TLK1: variants seen among roughly 807,000 people sequenced by gnomAD.
TLK1 encodes serine/threonine-protein kinase tousled-like 1.
TLK1 carries 24 observed loss-of-function variants against 105.3 expected under a neutral mutation model. The observed-to-expected ratio is 0.23, with a 90% CI of 0.17 to 0.32. TLK1 has a LOEUF of 0.32. Ranked by LOEUF, TLK1 falls within the 10% of genes least tolerant of loss-of-function variation. The pLI, the probability that TLK1 is intolerant of heterozygous loss-of-function variation, is 1.00. For missense variants in TLK1, 558 were observed against 910.5 expected, an observed-to-expected ratio of 0.61 and a Z score of 4.98; for synonymous variants, 321 against 310.4, an observed-to-expected ratio of 1.03 and a Z score of -0.36.
rs995492090 is a variant in TLK1 at position 171,160,223 on chromosome 2, G to A, written c.139+67C>T. 2.2e-5 allele frequency: 28 copies of A among 1,282,512 alleles called. No homozygotes were observed. Among genetic ancestry groups the A allele is most frequent in the Admixed American group, 1.7e-4 (4 of 23,534 alleles). The allele number at this position is 1,282,512 out of a possible 1,614,324, so 79.4% of individuals were successfully genotyped here. A position where few individuals can be genotyped will look rare whatever the true frequency, so the allele number is the denominator to read the frequency against. On this transcript the variant is annotated intron_variant, in intron 1 of 20. Coordinates refer to ENST00000431350, the MANE Select transcript of TLK1 (RefSeq NM_012290.5). This position sits in a 1 kb window ranked among gnomAD's most constrained non-coding sequence, Gnocchi z 4.4. ...AGCCCCGGGGCGGGGGGGGCGGGGG[G>A]GGGGCGCGGGGGTCCGCGGCGCGGG... is the stretch of plus-strand genomic sequence containing the variant.
chr2:171,121,813 T>C (rs1472555862), intron 1 of TLK1, among the ~76,000 whole-genome samples: 2 of 152,314 alleles, frequency 1.3e-5, no homozygotes, highest in Middle Eastern at 3.4e-3. Flanking sequence ...TTCCCAGATA[T>C]ATAGCTTCCT....
At chr2:171,093,179 T>A (rs929998593) in intron 2 of TLK1, among the ~76,000 whole-genome samples, 3 of 152,084 alleles carry the variant, frequency 2.0e-5, no homozygotes, top group Non-Finnish European at 2.9e-5. Context: ...AACTAAAGAG[T>A]AGACACAGAG....
intron 12 of TLK1, among the ~76,000 whole-genome samples, chr2:171,020,057 G>A (rs1324565330): frequency 2.2e-5 from 2 of 89,980 alleles, no homozygotes; most frequent in Non-Finnish European, 5.2e-5. Context: ...GTAAGACTCC[G>A]TCTCAGAAAA....
intron 1 of TLK1, among the ~76,000 whole-genome samples, chr2:171,149,970 T>TA (rs1271556902): frequency 1.3e-5 from 2 of 152,040 alleles, no homozygotes; most frequent in African/African-American, 4.8e-5. Flanking sequence ...GACTGTATAA[T>TA]AAAAATTTTT....
At chr2:171,169,672 G>A (rs1002939044) in intron 1 of TLK1, among the ~76,000 whole-genome samples, 1 of 151,936 alleles carries the variant, frequency 6.6e-6, no homozygotes, top group African/African-American at 2.4e-5. Context: ...TTTTCCAAAC[G>A]TTTTATAGGA....
intron 8 of TLK1, 104 bp downstream of exon 8, chr2:171,053,656 TG>T: frequency 1.1e-6 from 1 of 874,808 alleles, no homozygotes; most frequent in Non-Finnish European, 1.7e-6. Context: ...CCACTGCGCC[TG>T]GCCTAGCTAC....
At position 171,066,845 on chromosome 2, in the gene TLK1, GC is replaced by G. The variant is rs1688021564; in HGVS notation, c.331-5690del. 1.9e-6 allele frequency: 3 copies of G among 1,551,220 alleles called. No homozygotes were observed. In the East Asian group the frequency reaches 7.3e-5, roughly 38 times the overall value. On this transcript the variant is annotated intron_variant, in intron 3 of 20. Coordinates refer to ENST00000431350, the MANE Select transcript of TLK1 (RefSeq NM_012290.5). ...CTTTCTCCCCTACTCAAATTACCTT[GC>G]CAGTAGTTTTCAAATCATACAAGAA... is the stretch of plus-strand genomic sequence containing the variant.
At chr2:171,178,590 G>A (rs1461844675) in intron 1 of TLK1, among the ~76,000 whole-genome samples, 2 of 152,158 alleles carry the variant, frequency 1.3e-5, no homozygotes, top group Non-Finnish European at 2.9e-5. Context: ...GTAACTCCAA[G>A]CCTGACAACC....
intron 1 of TLK1, among the ~76,000 whole-genome samples, chr2:171,196,686 G>A (rs1238409582): frequency 1.3e-5 from 2 of 152,250 alleles, no homozygotes; most frequent in East Asian, 3.9e-4. Context: ...TAAAAACTAA[G>A]CAGTTTGCAA....
chr2:171,064,449 C>T (rs995872038), intron 3 of TLK1, among the ~76,000 whole-genome samples: 1 of 152,178 alleles, frequency 6.6e-6, no homozygotes, highest in African/African-American at 2.4e-5. Context: ...CAAAGGACAT[C>T]AACCAGGCCA....
chr2:171,010,270 G>GT (rs1684848744), intron 14 of TLK1, among the ~76,000 whole-genome samples: 1 of 152,096 alleles, frequency 6.6e-6, no homozygotes, highest in African/African-American at 2.4e-5. Context: ...TGGTTTTTGT[G>GT]TTTTTTCACT....
intron 1 of TLK1, among the ~76,000 whole-genome samples, chr2:171,196,064 A>AAAGG (rs993535217): frequency 6.7e-6 from 1 of 150,186 alleles, no homozygotes; most frequent in African/African-American, 2.4e-5. Flanking sequence ...AAAGAAAGAA[A>AAAGG]AAGGAAGGAA....
At chr2:171,212,929 A>ATTT (rs1278721051) in intron 1 of TLK1, among the ~76,000 whole-genome samples, 1 of 152,098 alleles carries the variant, frequency 6.6e-6, no homozygotes, top group Non-Finnish European at 1.5e-5. Context: ...TGTATTTAAC[A>ATTT]TGAAAAAACT....
chr2:170,998,034 C>G (rs562839894), intron 18 of TLK1, among the ~76,000 whole-genome samples: 9 of 150,160 alleles, frequency 6.0e-5, no homozygotes, highest in African/African-American at 2.0e-4. Context: ...TAAAGTTCAT[C>G]TCTATCTATC....
intron 1 of TLK1, among the ~76,000 whole-genome samples, chr2:171,202,880 A>G (rs572164032): frequency 1.1e-3 from 175 of 152,284 alleles, no homozygotes; most frequent in African/African-American, 3.9e-3. Context: ...ATTGGACAAA[A>G]TATTGATCTA....
chr2:171,062,263 T>A (rs1307514077), intron 3 of TLK1, among the ~76,000 whole-genome samples: 1 of 152,186 alleles, frequency 6.6e-6, no homozygotes, highest in East Asian at 1.9e-4. Flanking sequence ...CACTAATATT[T>A]GACTGAATGA....
intron 1 of TLK1, among the ~76,000 whole-genome samples, chr2:171,143,281 G>C (rs1372653256): frequency 1.3e-5 from 2 of 151,920 alleles, no homozygotes; most frequent in Non-Finnish European, 2.9e-5. Flanking sequence ...AAGGTGGGAG[G>C]ATCACTTGAG....
At chr2:171,119,928 C>G (rs142832885) in intron 1 of TLK1, among the ~76,000 whole-genome samples, 21 of 152,192 alleles carry the variant, frequency 1.4e-4, no homozygotes, top group African/African-American at 4.8e-4. Context: ...TTTCTTTGAT[C>G]TAACACCAAA....
intron 1 of TLK1, among the ~76,000 whole-genome samples, chr2:171,207,805 C>T (rs1050029344): frequency 1.3e-5 from 2 of 152,124 alleles, no homozygotes; most frequent in South Asian, 2.1e-4. Flanking sequence ...ACTGCAACCT[C>T]CACCTCCCAC....
Sources: allele counts gnomAD v4.1 joint callset (sites outside exome capture counted in the v4.1 genomes callset), GRCh38; gene constraint gnomAD v4.1.1; non-coding constraint Gnocchi (gnomAD v3.1); transcripts MANE v1.5; gene names NCBI Gene and HGNC (gene_info 2026-07-23, HGNC 2026-07-21).